VOPP1: variants seen among roughly 807,000 people sequenced by gnomAD.
VOPP1 encodes VOPP1 WW domain binding protein, also known as WW domain binding protein VOPP1.
A neutral mutation model predicts 23.5 loss-of-function variants in VOPP1; 8 were observed. The observed-to-expected ratio is 0.34, with a 90% CI of 0.20 to 0.61. The LOEUF (loss-of-function observed/expected upper bound fraction) is 0.61, where lower values mean the gene tolerates loss of function less well. Among genes scored for constraint, VOPP1 ranks in the 20% least tolerant of loss-of-function variants. The pLI, the probability that VOPP1 is intolerant of heterozygous loss-of-function variation, is 0.78. For synonymous variants in VOPP1, 83 were observed against 97.3 expected (o/e 0.85, Z 0.86); for missense variants, 174 against 238.1 (o/e 0.73, Z 1.77).
intron 4 of VOPP1, among the ~76,000 whole-genome samples, chr7:55,491,958 C>T (rs1793599972): frequency 6.6e-6 from 1 of 152,090 alleles, no homozygotes. Flanking sequence ...AGGGGTATTA[C>T]CGCTCCTACA....
intron 1 of VOPP1, among the ~76,000 whole-genome samples, chr7:55,556,081 C>T (rs1733281949): frequency 6.6e-6 from 1 of 152,194 alleles, no homozygotes; most frequent in South Asian, 2.1e-4. Flanking sequence ...CCCAAGCACT[C>T]AATGTATGAA....
At chr7:55,567,162 C>T (rs1169270487) in intron 1 of VOPP1, among the ~76,000 whole-genome samples, 2 of 152,232 alleles carry the variant, frequency 1.3e-5, no homozygotes, top group East Asian at 3.8e-4. Context: ...GCCCACAGGG[C>T]TCTTACCACT....
At chr7:55,500,739 T>C (rs1202985675) in intron 2 of VOPP1, among the ~76,000 whole-genome samples, 2 of 152,366 alleles carry the variant, frequency 1.3e-5, no homozygotes, top group South Asian at 2.1e-4. Flanking sequence ...AACATCCACA[T>C]ACAAGATAAA....
In VOPP1 at chr7:55,526,273, C is replaced by T. The variant is rs986580102; in HGVS notation, c.55-5143G>A. 5.9e-5 allele frequency among the ~76,000 whole-genome samples: 9 copies of T among 152,196 alleles called. No individual in the cohort carries two copies. The South Asian group carries it at 1.9e-3, about 31-fold the overall frequency. ...GAAAGACGTCTCTGCTCAAGGAGGA[C>T]TCTGGACGCCCGTGGTTCAAGGACT... On this transcript the variant is annotated intron_variant, in intron 1 of 4. Transcript: ENST00000285279.
chr7:55,450,458 T>TC (rs1791215479), intron 4 of VOPP1, among the ~76,000 whole-genome samples: 1 of 152,200 alleles, frequency 6.6e-6, no homozygotes, highest in South Asian at 2.1e-4. Flanking sequence ...ATGTGGCCAC[T>TC]CCAAGTGGAA....
chr7:55,484,293 C>T lies in VOPP1; in HGVS notation c.328+7989G>A, dbSNP rs1414082957. ...AGCTACTGTAGAGACATCCCAGGAACTGTCAAACACATCAGACTTGACTTT... is the reference window on the plus strand; with the variant it reads ...AGCTACTGTAGAGACATCCCAGGAATTGTCAAACACATCAGACTTGACTTT... On this transcript the variant is annotated intron_variant, in intron 4 of 4. Coordinates refer to ENST00000285279, the MANE Select transcript of VOPP1 (RefSeq NM_030796.5). 2.6e-5 allele frequency among the ~76,000 whole-genome samples: 4 copies of T among 152,358 alleles called. No homozygotes were observed. In the East Asian group the frequency reaches 7.7e-4, roughly 29 times the overall value.
intron 1 of VOPP1, among the ~76,000 whole-genome samples, chr7:55,568,166 G>A (rs1013911821): frequency 1.4e-4 from 20 of 137,998 alleles, no homozygotes; most frequent in South Asian, 4.7e-4. Context: ...TGCAAGCTCC[G>A]CCTCCCGGGT....
chr7:55,459,420 T>A (rs989122639), intron 4 of VOPP1, among the ~76,000 whole-genome samples: 1 of 152,216 alleles, frequency 6.6e-6, no homozygotes, highest in South Asian at 2.1e-4. Flanking sequence ...TCCTCTTCAA[T>A]TGTTTTTAAA....
Position 55,473,175 on chromosome 7 carries a change from T to C in VOPP1, c.329-130A>G, listed in dbSNP as rs1791968631. The C allele has an allele frequency of 2.9e-6, 4 of 1,380,224 alleles. No individual in the cohort carries two copies. In the South Asian group the frequency reaches 6.6e-5, roughly 23 times the overall value. 85.5% of individuals were successfully genotyped at this position (1,380,224 alleles called of 1,614,324 possible). ...GCGACAGTGTATGAAGGACCCAACA[T>C]GCCCGGTGAGGGGGCACCTGGGCTG... On this transcript the variant is annotated intron_variant, in intron 4 of 4. Coordinates refer to ENST00000285279, the MANE Select transcript of VOPP1 (RefSeq NM_030796.5).
intron 2 of VOPP1, among the ~76,000 whole-genome samples, chr7:55,499,632 A>T (rs1297860981): frequency 6.6e-6 from 1 of 152,220 alleles, no homozygotes; most frequent in Non-Finnish European, 1.5e-5. Flanking sequence ...GCAGGTTGAG[A>T]GCACGAGGCA....
intron 1 of VOPP1, among the ~76,000 whole-genome samples, chr7:55,557,286 C>T (rs1584117520): frequency 6.6e-6 from 1 of 152,162 alleles, no homozygotes; most frequent in South Asian, 2.1e-4. Flanking sequence ...GAGGGCAGCA[C>T]GGAGCCTGGG....
chr7:55,511,200 T>C (rs1413713365), intron 2 of VOPP1, among the ~76,000 whole-genome samples: 2 of 152,198 alleles, frequency 1.3e-5, no homozygotes, highest in East Asian at 1.9e-4. Flanking sequence ...CTGATTAAAA[T>C]GTTAACACAG....
chr7:55,447,500 T>C (rs867854802), intron 4 of VOPP1, among the ~76,000 whole-genome samples: 17 of 152,056 alleles, frequency 1.1e-4, no homozygotes, highest in Middle Eastern at 3.2e-3. Flanking sequence ...GACCCCAGAG[T>C]GATGCCGCCA....
intron 1 of VOPP1, chr7:55,538,754 T>C (rs1796958281): frequency 2.6e-6 from 3 of 1,159,076 alleles, no homozygotes; most frequent in African/African-American, 3.1e-5. Context: ...AGGAACGCTT[T>C]CTAAGGGGAA....
Position 55,551,069 on chromosome 7 carries a change from T to C in VOPP1, c.54+21202A>G, listed in dbSNP as rs2129053675. Among the ~76,000 whole-genome samples, 2 of 152,178 alleles carry C rather than the reference T, an allele frequency of 1.3e-5. 1 individual carries two copies. Among genetic ancestry groups the C allele is most frequent in the South Asian group, 4.2e-4 (2 of 4,808 alleles). On this transcript the variant is annotated intron_variant, in intron 1 of 4. Coordinates refer to ENST00000285279, the MANE Select transcript of VOPP1 (RefSeq NM_030796.5). ...AGCATGAAGACACTGAGTGCTCTGG[T>C]TGGGTTGGCAAATTATCTCCCTGTT...
At chr7:55,480,256 G>C (rs1398066859) in intron 4 of VOPP1, among the ~76,000 whole-genome samples, 1 of 152,214 alleles carries the variant, frequency 6.6e-6, no homozygotes, top group Non-Finnish European at 1.5e-5. Context: ...CTTTGAAAAT[G>C]TCTTCAAGCT....
At chr7:55,436,955 C>G (rs1259744949) in intron 4 of VOPP1, among the ~76,000 whole-genome samples, 1 of 152,166 alleles carries the variant, frequency 6.6e-6, no homozygotes, top group Non-Finnish European at 1.5e-5. Context: ...AGCAGATACG[C>G]TGCTGCTCAC....
At chr7:55,501,968 A>G (rs1794401739) in intron 2 of VOPP1, among the ~76,000 whole-genome samples, 1 of 152,250 alleles carries the variant, frequency 6.6e-6, no homozygotes, top group Non-Finnish European at 1.5e-5. Flanking sequence ...AGGTATTAAT[A>G]CTTGGGTCCC....
chr7:55,511,494 T>G (rs1014916731), intron 2 of VOPP1, among the ~76,000 whole-genome samples: 2 of 152,204 alleles, frequency 1.3e-5, no homozygotes, highest in Non-Finnish European at 2.9e-5. Flanking sequence ...GAGCACAGCT[T>G]AAAATTTTAG....
Sources: allele counts gnomAD v4.1 joint callset (sites outside exome capture counted in the v4.1 genomes callset), GRCh38; gene constraint gnomAD v4.1.1; transcripts MANE v1.5; gene names NCBI Gene and HGNC (gene_info 2026-07-23, HGNC 2026-07-21).